Variants in WDPCP observed in about 807,000 individuals in gnomAD.
The protein encoded by WDPCP is WD repeat-containing and planar cell polarity effector protein fritz homolog.
WDPCP carries 71 observed loss-of-function variants against 93.1 expected under a neutral mutation model. The ratio of observed to expected loss-of-function variants is 0.76; its 90% CI spans 0.63 to 0.93. The LOEUF is 0.93. Ranked by LOEUF, WDPCP falls within the 40% of genes least tolerant of loss-of-function variation. The probability of loss-of-function intolerance (pLI) is 0.00; values close to 1 mark genes in which losing one functional copy is unlikely to be tolerated. For synonymous variants in WDPCP, 315 were observed against 315.0 expected, an observed-to-expected ratio of 1.00 and a Z score of 0.00; for missense variants, 844 against 887.4, an observed-to-expected ratio of 0.95 and a Z score of 0.62.
chr2:63,668,162 GTC>G (rs1229033358), intron 2 of WDPCP, among the ~76,000 whole-genome samples: 4 of 152,158 alleles, frequency 2.6e-5, no homozygotes, highest in Admixed American at 1.3e-4. Context: ...GATGTCAGAT[GTC>G]TCTGTTCCTA....
chr2:63,494,658 T>G (rs897197872), intron 1 of WDPCP, among the ~76,000 whole-genome samples: 4 of 151,598 alleles, frequency 2.6e-5, no homozygotes, highest in Non-Finnish European at 5.9e-5. Context: ...CGGTGGCTCA[T>G]GCCTGTAATC....
intron 2 of WDPCP, among the ~76,000 whole-genome samples, chr2:63,747,375 G>C (rs970914419): frequency 5.9e-5 from 9 of 152,032 alleles, no homozygotes; most frequent in African/African-American, 2.2e-4. Context: ...CTGTTGCCAT[G>C]AGGATATTTT....
At chr2:63,468,086 G>A (rs1187583541) in intron 6 of WDPCP, among the ~76,000 whole-genome samples, 1 of 152,136 alleles carries the variant, frequency 6.6e-6, no homozygotes, top group Admixed American at 6.5e-5. Context: ...TGTCCAACAG[G>A]GGATTCCTCT....
intron 1 of WDPCP, among the ~76,000 whole-genome samples, chr2:63,551,302 T>C (rs1029155791): frequency 6.6e-6 from 1 of 152,208 alleles, no homozygotes; most frequent in Non-Finnish European, 1.5e-5. Context: ...AAATCTCATG[T>C]TGAAATATAA....
chr2:63,153,466 G>C, intron 16 of WDPCP, 29 bp downstream of exon 16: 1 of 1,548,542 alleles, frequency 6.5e-7, no homozygotes, highest in Non-Finnish European at 8.9e-7. Flanking sequence ...GTTATACTTT[G>C]AATACTTGGG....
chr2:63,465,518 T>C (rs910794042), intron 6 of WDPCP, among the ~76,000 whole-genome samples: 4 of 152,182 alleles, frequency 2.6e-5, no homozygotes, highest in Non-Finnish European at 5.9e-5. Context: ...TTTTTTACAG[T>C]GCCCCTAGGC....
At chr2:63,347,115 C>G (rs1424844661) in intron 12 of WDPCP, among the ~76,000 whole-genome samples, 1 of 152,116 alleles carries the variant, frequency 6.6e-6, no homozygotes, top group Non-Finnish European at 1.5e-5. Context: ...TTATTAGGAT[C>G]TTCTGTGTAC....
rs370479356 is a variant in WDPCP at position 63,602,934 on chromosome 2, C to CTTTTTTTTTTTTTT, written n.488+47711_488+47724dup. 2.7e-4 allele frequency among the ~76,000 whole-genome samples: 36 copies of CTTTTTTTTTTTTTT among 131,592 alleles called. 3 individuals carry two copies. Among genetic ancestry groups the CTTTTTTTTTTTTTT allele is most frequent in the Non-Finnish European group, 4.4e-4 (26 of 59,592 alleles). The allele number at this position is 131,592 out of a possible 152,430, so 86.3% of individuals were successfully genotyped here. ...ACATAATACAGTTTATTTAACCGTT[C>CTTTTTTTTTTTTTT]TTTTTTTTTTTTTTTTTTTTTTTTT... On this transcript the variant is annotated intron_variant and non_coding_transcript_variant, in intron 3 of 4. Transcript: ENST00000467687.
intron 14 of WDPCP, among the ~76,000 whole-genome samples, chr2:63,199,148 C>A (rs569935927): frequency 2.0e-5 from 3 of 152,134 alleles, no homozygotes; most frequent in Non-Finnish European, 4.4e-5. Flanking sequence ...TAACAATGTG[C>A]GGTCATATGA....
intron 12 of WDPCP, among the ~76,000 whole-genome samples, chr2:63,327,438 C>T (rs1687642020): frequency 1.3e-5 from 2 of 152,200 alleles, no homozygotes; most frequent in African/African-American, 4.8e-5. Context: ...CACACACTCT[C>T]AAAGGATTTC....
intron 14 of WDPCP, among the ~76,000 whole-genome samples, chr2:63,194,890 A>G (rs1244673011): frequency 6.6e-6 from 1 of 152,202 alleles, no homozygotes; most frequent in Non-Finnish European, 1.5e-5. Flanking sequence ...AATAAAATCA[A>G]TATCAGGAAT....
chr2:63,304,696 T>G (rs1004379261), intron 13 of WDPCP, among the ~76,000 whole-genome samples: 1 of 152,112 alleles, frequency 6.6e-6, no homozygotes, highest in Admixed American at 6.5e-5. Context: ...CCGAGCTAGC[T>G]GCAGGAGTTT....
At chr2:63,834,626 G>A in the WDPCP span, among the ~76,000 whole-genome samples, 3 of 152,302 alleles carry the variant, frequency 2.0e-5, no homozygotes, top group South Asian at 6.2e-4. Flanking sequence ...CCTGGAAGGT[G>A]GCCAAGAGGA....
chr2:63,502,126 T>G (rs1701598335), intron 1 of WDPCP, among the ~76,000 whole-genome samples: 1 of 152,196 alleles, frequency 6.6e-6, no homozygotes. Context: ...ACACCCATAC[T>G]GACTTGTTCA....
intron 6 of WDPCP, among the ~76,000 whole-genome samples, chr2:63,472,195 T>C (rs932303755): frequency 3.3e-5 from 5 of 151,900 alleles, no homozygotes; most frequent in Non-Finnish European, 7.4e-5. Context: ...ACTCTAGAAG[T>C]TTTTTGGATT....
chr2:63,249,061 G>T (rs1385700481), intron 14 of WDPCP, among the ~76,000 whole-genome samples: 1 of 151,962 alleles, frequency 6.6e-6, no homozygotes, highest in Non-Finnish European at 1.5e-5. Context: ...TTGCTCCTTT[G>T]AATAGGCCAT....
chr2:63,484,679 A>C lies in WDPCP; in HGVS notation c.325-16T>G. ...GCATCAGCTCCTGAAGCACAACAGA[A>C]AAAGAGAGAGCGTAGTTGGCTGTAC... is the stretch of plus-strand genomic sequence containing the variant. On this transcript the variant is annotated splice_polypyrimidine_tract_variant and intron_variant, in intron 5 of 17. Transcript: ENST00000272321. The C allele has an allele frequency of 1.2e-6, 2 of 1,612,796 alleles. No homozygotes were observed. Among genetic ancestry groups the C allele is most frequent in the Non-Finnish European group, 1.7e-6 (2 of 1,179,194 alleles).
chr2:63,170,056 C>T (rs1035549907), intron 15 of WDPCP, among the ~76,000 whole-genome samples: 18 of 151,186 alleles, frequency 1.2e-4, no homozygotes, highest in African/African-American at 4.4e-4. Context: ...CCATGCCAGG[C>T]TAATTTTTTT....
At chr2:63,751,012 C>T (rs933213738) in intron 2 of WDPCP, among the ~76,000 whole-genome samples, 6 of 151,956 alleles carry the variant, frequency 3.9e-5, no homozygotes, top group African/African-American at 1.2e-4. Context: ...AGTGTTCCCT[C>T]CTTCTGTTTT....
Sources: gnomAD v4.1 joint callset for allele counts (sites outside exome capture counted in the v4.1 genomes callset) on GRCh38, gnomAD v4.1.1 for gene constraint, MANE v1.5 for transcripts, NCBI Gene and HGNC (gene_info 2026-07-23, HGNC 2026-07-21) for gene names.